The following EBF1 variants were observed in gnomAD, a reference collection of about 807,000 sequenced individuals.
EBF1 encodes transcription factor COE1.
In EBF1, 10 loss-of-function variants were observed where a neutral mutation model predicts 68.4. The observed-to-expected ratio is 0.15, with a 90% confidence interval of 0.09 to 0.25. EBF1 has a LOEUF of 0.25. EBF1 is among the 10% of genes least tolerant of loss of function. EBF1 has a pLI of 1.00. For synonymous variants in EBF1, 298 were observed against 299.8 expected (o/e 0.99, Z 0.06); for missense variants, 509 against 794.4 (o/e 0.64, Z 4.32).
chr5:158,835,691 G>C (rs1323499114), intron 7 of EBF1, among the ~76,000 whole-genome samples: 3 of 151,826 alleles, frequency 2.0e-5, no homozygotes, highest in East Asian at 3.9e-4. Flanking sequence ...TTTTGTTGTT[G>C]TTCCAAAACA....
chr5:158,709,431 C>A (rs1189221331), intron 14 of EBF1, among the ~76,000 whole-genome samples: 1 of 152,138 alleles, frequency 6.6e-6, no homozygotes, highest in African/African-American at 2.4e-5. Context: ...AGCAAGGAAT[C>A]ACGCCCAAAT....
At chr5:159,027,883 G>T (rs961891045) in intron 6 of EBF1, among the ~76,000 whole-genome samples, 1 of 152,136 alleles carries the variant, frequency 6.6e-6, no homozygotes, top group Non-Finnish European at 1.5e-5. Flanking sequence ...ATGCAAGTTT[G>T]TCACACCCAG....
At chr5:158,985,713 CA>C (rs1290643033) in intron 6 of EBF1, 1 of 152,220 alleles carries the variant, frequency 6.6e-6, no homozygotes, top group Non-Finnish European at 1.5e-5. Flanking sequence ...CTATTATCCA[CA>C]AAAGCCATTA....
At chr5:158,890,723 G>A (rs1801012510) in intron 6 of EBF1, among the ~76,000 whole-genome samples, 1 of 152,202 alleles carries the variant, frequency 6.6e-6, no homozygotes. Flanking sequence ...AAATATACAA[G>A]AGTTTTATAT....
chr5:158,873,640 A>C (rs901755651), intron 6 of EBF1, among the ~76,000 whole-genome samples: 1 of 152,326 alleles, frequency 6.6e-6, no homozygotes. Context: ...AAATTTACTA[A>C]ATTTTGGCTA....
At chr5:159,080,464 A>C (rs927481560) in intron 5 of EBF1, among the ~76,000 whole-genome samples, 1 of 152,232 alleles carries the variant, frequency 6.6e-6, no homozygotes, top group Non-Finnish European at 1.5e-5. Flanking sequence ...AGGTGCTAAA[A>C]GAATAAATGA....
chr5:158,998,052 A>T (rs1226437216), intron 6 of EBF1, among the ~76,000 whole-genome samples: 1 of 152,100 alleles, frequency 6.6e-6, no homozygotes, highest in African/African-American at 2.4e-5. Context: ...TCCTCTAGGA[A>T]ATCTTCCATC....
At chr5:158,967,325 A>ATTCG (rs1240621201) in intron 6 of EBF1, among the ~76,000 whole-genome samples, 2 of 152,236 alleles carry the variant, frequency 1.3e-5, no homozygotes, top group African/African-American at 4.8e-5. Flanking sequence ...TACAAGTTTC[A>ATTCG]TTCTGGAATT....
At chr5:158,866,911 T>G (rs1796030148) in intron 6 of EBF1, among the ~76,000 whole-genome samples, 1 of 136,378 alleles carries the variant, frequency 7.3e-6, no homozygotes, top group Non-Finnish European at 1.6e-5. Flanking sequence ...ACATAGTGCA[T>G]ATGTCTAAGC....
Position 158,912,977 on chromosome 5 carries a change from T to A in EBF1, c.555-72867A>T, listed in dbSNP as rs559624461. On this transcript the variant is annotated intron_variant, in intron 6 of 15. Coordinates refer to ENST00000313708, the MANE Select transcript of EBF1 (RefSeq NM_024007.5). ...CCAGGACCACCTTCTATTCCTGGCA[T>A]CACTTTTGGTGCACATTCTGATATA... 3.9e-5 allele frequency among the ~76,000 whole-genome samples: 6 copies of A among 152,330 alleles called. No individual in the cohort carries two copies. In the South Asian group the frequency reaches 1.2e-3, roughly 32 times the overall value.
intron 5 of EBF1, among the ~76,000 whole-genome samples, chr5:159,084,105 C>T (rs960881312): frequency 5.9e-5 from 9 of 151,514 alleles, no homozygotes; most frequent in Admixed American, 3.9e-4. Flanking sequence ...ACTACCTCTG[C>T]GAAGTATTGG....
chr5:159,039,436 T>C (rs967646863), intron 6 of EBF1, among the ~76,000 whole-genome samples: 1 of 152,246 alleles, frequency 6.6e-6, no homozygotes, highest in Non-Finnish European at 1.5e-5. Flanking sequence ...AAAACTACTA[T>C]ATAAACTACT....
chr5:158,883,172 G>A (rs1463943613), intron 6 of EBF1, among the ~76,000 whole-genome samples: 1 of 152,020 alleles, frequency 6.6e-6, no homozygotes, highest in Non-Finnish European at 1.5e-5. Context: ...TGAAATGTGT[G>A]TATCTGTGTC....
At chr5:158,763,862 C>A (rs948041893) in intron 10 of EBF1, among the ~76,000 whole-genome samples, 2 of 152,120 alleles carry the variant, frequency 1.3e-5, no homozygotes, top group African/African-American at 4.8e-5. Context: ...TTGGGAAAGA[C>A]CCTTCCCTTA....
intron 15 of EBF1, among the ~76,000 whole-genome samples, chr5:158,705,274 C>A (rs1409801231): frequency 6.6e-6 from 1 of 152,228 alleles, no homozygotes; most frequent in African/African-American, 2.4e-5. Context: ...AACCACCACG[C>A]CCAGTCCATT....
intron 10 of EBF1, among the ~76,000 whole-genome samples, chr5:158,768,465 T>C (rs1773217913): frequency 6.6e-6 from 1 of 152,162 alleles, no homozygotes; most frequent in Non-Finnish European, 1.5e-5. Flanking sequence ...CATTAAACAA[T>C]ATTAATAGCT....
chr5:158,743,936 T>C, intron 10 of EBF1, among the ~76,000 whole-genome samples: 1 of 152,028 alleles, frequency 6.6e-6, no homozygotes, highest in Admixed American at 6.6e-5. Flanking sequence ...TTTGGGAGGC[T>C]AAGGTGGGTG....
intron 12 of EBF1, among the ~76,000 whole-genome samples, chr5:158,713,630 C>A (rs1377995742): frequency 6.6e-6 from 1 of 152,122 alleles, no homozygotes; most frequent in South Asian, 2.1e-4. Context: ...GGGACTGTGT[C>A]CCCCAGACAT....
At chr5:159,090,921 G>C (rs1781514143) in intron 4 of EBF1, among the ~76,000 whole-genome samples, 1 of 152,086 alleles carries the variant, frequency 6.6e-6, no homozygotes, top group African/African-American at 2.4e-5. Context: ...TCTCACAACG[G>C]AGCTTCAAGG....
Sources: allele counts gnomAD v4.1 joint callset (sites outside exome capture counted in the v4.1 genomes callset), GRCh38; gene constraint gnomAD v4.1.1; transcripts MANE v1.5; gene names NCBI Gene and HGNC (gene_info 2026-07-23, HGNC 2026-07-21).